SRRM4: variants seen among roughly 807,000 people sequenced by gnomAD.
SRRM4 encodes serine/arginine repetitive matrix 4.
SRRM4 carries 33 observed loss-of-function variants against 68.9 expected under a neutral mutation model. The ratio of observed to expected loss-of-function variants is 0.48; its 90% CI spans 0.36 to 0.64. SRRM4 has a LOEUF of 0.64. Among genes scored for constraint, SRRM4 ranks in the 30% least tolerant of loss-of-function variants. The pLI is 0.00. For synonymous variants in SRRM4, 318 were observed against 318.8 expected (o/e 1.00, Z 0.03); for missense variants, 817 against 827.1 (o/e 0.99, Z 0.15).
chr12:119,138,904 T>C (rs1954347248), intron 8 of SRRM4, among the ~76,000 whole-genome samples: 1 of 152,070 alleles, frequency 6.6e-6, no homozygotes, highest in Non-Finnish European at 1.5e-5. Flanking sequence ...AGAGGTAAAA[T>C]TGGACCAAGG....
intron 8 of SRRM4, among the ~76,000 whole-genome samples, chr12:119,133,329 T>C (rs998871730): frequency 1.3e-5 from 2 of 152,162 alleles, no homozygotes; most frequent in South Asian, 2.1e-4. Context: ...GTGGTGGTAA[T>C]AGTAGTGGTG....
At chr12:119,086,724 G>A (rs1156693700) in intron 1 of SRRM4, among the ~76,000 whole-genome samples, 1 of 152,192 alleles carries the variant, frequency 6.6e-6, no homozygotes, top group Non-Finnish European at 1.5e-5. Context: ...GATCAAAATA[G>A]CTGTAGGAAG....
chr12:119,125,384 TCGAAGCCGGCCC>T lies in SRRM4; in HGVS notation c.524_535del (p.Ser175_Arg178del). On this transcript the variant is annotated inframe_deletion, in exon 7 of 13. Coordinates refer to ENST00000267260, the MANE Select transcript of SRRM4 (RefSeq NM_194286.4). Reference sequence around the variant, plus strand: ...CGTTCCTTCTCATCCCCCCAAGATCTCGAAGCCGGCCCCGAAAGTCTCACCGCCACCGCCATC... The same window carrying T: ...CGTTCCTTCTCATCCCCCCAAGATCTCGAAAGTCTCACCGCCACCGCCATC... 6.2e-7 allele frequency: 1 copy of T among 1,612,506 alleles called. No individual in the cohort carries two copies. The highest frequency in any genetic ancestry group is 8.5e-7 in the Non-Finnish European group (1 of 1,179,224).
rs1290094330 is a variant in SRRM4 at position 119,125,377 on chromosome 12, C to A, written c.516-4C>A. 3.1e-6 allele frequency: 5 copies of A among 1,612,228 alleles called. No homozygotes were observed. The African/African-American group carries it at 4.0e-5, about 13-fold the overall frequency. On this transcript the variant is annotated splice_region_variant and splice_polypyrimidine_tract_variant and intron_variant, in intron 6 of 12. Coordinates refer to ENST00000267260, the MANE Select transcript of SRRM4 (RefSeq NM_194286.4). Reference sequence around the variant, plus strand: ...TCTGACTCGTTCCTTCTCATCCCCCCAAGATCTCGAAGCCGGCCCCGAAAG... The same window carrying A: ...TCTGACTCGTTCCTTCTCATCCCCCAAAGATCTCGAAGCCGGCCCCGAAAG...
At chr12:119,034,424 C>A (rs760141874) in intron 1 of SRRM4, among the ~76,000 whole-genome samples, 10 of 152,168 alleles carry the variant, frequency 6.6e-5, no homozygotes, top group African/African-American at 9.7e-5. Context: ...TCCCGGTCTC[C>A]ATCACAGTTG....
chr12:119,051,839 A>G lies in SRRM4; in HGVS notation c.132-50397A>G, dbSNP rs149223227. Among the ~76,000 whole-genome samples the G allele has an allele frequency of 2.0e-5, 3 of 152,350 alleles. No homozygotes were observed. In the East Asian group the frequency reaches 5.8e-4, roughly 29 times the overall value. On this transcript the variant is annotated intron_variant, in intron 1 of 12. Transcript: ENST00000267260. ...TGTTTGGTGGAGCACATTTTGGTGA[A>G]TGCTGCTTTACAGCATCGTCAAACA...
intron 1 of SRRM4, among the ~76,000 whole-genome samples, chr12:119,095,116 C>A (rs2136038690): frequency 6.6e-6 from 1 of 152,184 alleles, no homozygotes; most frequent in East Asian, 1.9e-4. Flanking sequence ...AAGATTACCC[C>A]CATCCAGGCT....
At chr12:119,095,454 G>T (rs1027774563) in intron 1 of SRRM4, among the ~76,000 whole-genome samples, 2 of 152,176 alleles carry the variant, frequency 1.3e-5, no homozygotes, top group Admixed American at 6.5e-5. Flanking sequence ...AAGTACTTTT[G>T]CCTCTCCAGG....
At chr12:118,997,070 G>T (rs1213313232) in intron 1 of SRRM4, among the ~76,000 whole-genome samples, 1 of 152,196 alleles carries the variant, frequency 6.6e-6, no homozygotes, top group Non-Finnish European at 1.5e-5. Context: ...CAGCAAGAAG[G>T]TTATCCATGA....
chr12:119,125,360 G>A (rs377155743), intron 6 of SRRM4, 21 bp from the exon 7 acceptor site: 22 of 1,605,236 alleles, frequency 1.4e-5, no homozygotes, highest in Admixed American at 1.0e-4. Flanking sequence ...CCTCTGACTC[G>A]TTCCTTCTCA....
chr12:119,030,194 T>C (rs1319375324), intron 1 of SRRM4, among the ~76,000 whole-genome samples: 1 of 152,206 alleles, frequency 6.6e-6, no homozygotes, highest in Non-Finnish European at 1.5e-5. Flanking sequence ...CCCAGCATTA[T>C]GAAATGTCAG....
intron 1 of SRRM4, among the ~76,000 whole-genome samples, chr12:118,988,616 G>A (rs1317909695): frequency 1.3e-5 from 2 of 152,086 alleles, no homozygotes; most frequent in Non-Finnish European, 2.9e-5. Context: ...TACACAAAGT[G>A]GAAGAAGCTG....
At chr12:119,108,798 T>C (rs1047599636) in intron 2 of SRRM4, among the ~76,000 whole-genome samples, 2 of 152,354 alleles carry the variant, frequency 1.3e-5, no homozygotes, top group African/African-American at 4.8e-5. Context: ...TGTCTTTTAA[T>C]TGGAGCATTT....
At chr12:119,091,393 C>A (rs1954013552) in intron 1 of SRRM4, among the ~76,000 whole-genome samples, 1 of 152,122 alleles carries the variant, frequency 6.6e-6, no homozygotes, top group South Asian at 2.1e-4. Flanking sequence ...TCTCCTGGGA[C>A]CCTCAAGAGC....
At chr12:119,044,567 T>A (rs1953692993) in intron 1 of SRRM4, among the ~76,000 whole-genome samples, 1 of 152,076 alleles carries the variant, frequency 6.6e-6, no homozygotes, top group Admixed American at 6.5e-5. Flanking sequence ...ATGCCATGGT[T>A]ATGGGCACAA....
At chr12:119,065,633 A>T (rs1483204028) in intron 1 of SRRM4, among the ~76,000 whole-genome samples, 1 of 152,052 alleles carries the variant, frequency 6.6e-6, no homozygotes, top group Non-Finnish European at 1.5e-5. Context: ...TACTTAGGAG[A>T]CTGAAGCAGG....
chr12:119,056,180 C>T (rs1339507277), intron 1 of SRRM4, among the ~76,000 whole-genome samples: 2 of 152,228 alleles, frequency 1.3e-5, no homozygotes, highest in African/African-American at 4.8e-5. Context: ...CTGCATGATG[C>T]TCCCTCCCCT....
intron 8 of SRRM4, among the ~76,000 whole-genome samples, chr12:119,131,469 G>A (rs1033141086): frequency 6.6e-6 from 1 of 152,180 alleles, no homozygotes; most frequent in African/African-American, 2.4e-5. Context: ...AAGGGCTGGG[G>A]TAAAGCCCCA....
intron 12 of SRRM4, among the ~76,000 whole-genome samples, chr12:119,156,044 A>G (rs191715992): frequency 4.6e-5 from 7 of 152,264 alleles, no homozygotes; most frequent in Admixed American, 1.3e-4. Flanking sequence ...CTGTTTATCA[A>G]CTGTACTATT....
Sources: allele counts gnomAD v4.1 joint callset (sites outside exome capture counted in the v4.1 genomes callset), GRCh38; gene constraint gnomAD v4.1.1; transcripts MANE v1.5; gene names NCBI Gene and HGNC (gene_info 2026-07-23, HGNC 2026-07-21).